The following CNTN5 variants were observed in gnomAD, a reference collection of about 807,000 sequenced individuals.
CNTN5 encodes contactin 5, also known as contactin-5.
In CNTN5, 77 loss-of-function variants were observed where a neutral mutation model predicts 129.1. The observed-to-expected ratio is 0.60, with a 90% confidence interval of 0.50 to 0.72. The LOEUF is 0.72. Ranked by LOEUF, CNTN5 falls within the 30% of genes least tolerant of loss-of-function variation. CNTN5 has a pLI of 0.00. For synonymous variants in CNTN5, 509 were observed against 465.6 expected (o/e 1.09, Z -1.20); for missense variants, 1,478 against 1,328.8 (o/e 1.11, Z -1.75).
chr11:99,276,095 C>G (rs1022657351), intron 1 of CNTN5, among the ~76,000 whole-genome samples: 2 of 151,618 alleles, frequency 1.3e-5, no homozygotes, highest in Non-Finnish European at 1.5e-5. Flanking sequence ...CTCACAAGTT[C>G]TTCAATATTC....
intron 1 of CNTN5, among the ~76,000 whole-genome samples, chr11:99,167,386 A>G (rs1017124717): frequency 9.2e-5 from 14 of 152,182 alleles, no homozygotes; most frequent in African/African-American, 3.1e-4. Flanking sequence ...AAAAAGTAGG[A>G]ATTATACAAA....
intron 2 of CNTN5, among the ~76,000 whole-genome samples, chr11:99,338,193 A>G (rs1054558567): frequency 1.3e-5 from 2 of 152,230 alleles, no homozygotes; most frequent in African/African-American, 4.8e-5. Context: ...CTGCTATTTC[A>G]TTCAATAATA....
chr11:99,137,869 T>G (rs1859312821), intron 1 of CNTN5, among the ~76,000 whole-genome samples: 2 of 152,148 alleles, frequency 1.3e-5, no homozygotes, highest in Admixed American at 1.3e-4. Flanking sequence ...CCCTGCAAGT[T>G]TAACATTAAC....
At chr11:99,071,977 A>AAT (rs1865357580) in intron 1 of CNTN5, among the ~76,000 whole-genome samples, 1 of 152,194 alleles carries the variant, frequency 6.6e-6, no homozygotes, top group South Asian at 2.1e-4. Context: ...GTAATAATAC[A>AAT]ATCAAACAAA....
chr11:99,218,729 C>A (rs1334156089), intron 1 of CNTN5, among the ~76,000 whole-genome samples: 1 of 152,048 alleles, frequency 6.6e-6, no homozygotes, highest in Non-Finnish European at 1.5e-5. Flanking sequence ...GGTTACAAGA[C>A]CTGATAGAAT....
intron 13 of CNTN5, among the ~76,000 whole-genome samples, chr11:100,102,376 G>A (rs1945253421): frequency 6.6e-6 from 1 of 151,834 alleles, no homozygotes; most frequent in Admixed American, 6.6e-5. Context: ...TTTGAGAATT[G>A]TCTATTCATG....
At chr11:99,808,827 A>C (rs182636992) in intron 3 of CNTN5, among the ~76,000 whole-genome samples, 2 of 152,138 alleles carry the variant, frequency 1.3e-5, no homozygotes, top group African/African-American at 2.4e-5. Flanking sequence ...CTTGAACAGT[A>C]ATCCTATTAT....
intron 3 of CNTN5, among the ~76,000 whole-genome samples, chr11:99,714,373 C>G (rs1955130522): frequency 6.6e-6 from 1 of 151,826 alleles, no homozygotes; most frequent in Non-Finnish European, 1.5e-5. Context: ...TGGCTGCTTA[C>G]AGAAGAAAAT....
At chr11:99,853,602 T>C (rs937026168) in intron 6 of CNTN5, among the ~76,000 whole-genome samples, 1 of 152,096 alleles carries the variant, frequency 6.6e-6, no homozygotes, top group African/African-American at 2.4e-5. Context: ...GGTTTCTCCA[T>C]GTTGGTCAGC....
chr11:99,385,829 A>G (rs1940891821), intron 2 of CNTN5, among the ~76,000 whole-genome samples: 2 of 152,172 alleles, frequency 1.3e-5, no homozygotes, highest in South Asian at 4.1e-4. Flanking sequence ...AATTCCATAT[A>G]TGGATTGTAT....
chr11:99,352,702 A>G (rs917048497), intron 2 of CNTN5, among the ~76,000 whole-genome samples: 1 of 152,166 alleles, frequency 6.6e-6, no homozygotes, highest in Non-Finnish European at 1.5e-5. Context: ...TTCCCAGCCA[A>G]GAGGTATCAT....
At chr11:100,036,047 C>T (rs904769004) in intron 9 of CNTN5, among the ~76,000 whole-genome samples, 8 of 152,144 alleles carry the variant, frequency 5.3e-5, no homozygotes, top group Non-Finnish European at 8.8e-5. Flanking sequence ...TTGCCCATGC[C>T]TATGTCATGA....
At position 99,638,021 on chromosome 11, in the gene CNTN5, C is replaced by A. The variant is rs78347704; in HGVS notation, c.55+81752C>A. Among the ~76,000 whole-genome samples the A allele has an allele frequency of 2.8e-3, 421 of 152,116 alleles. 1 individual carries two copies. Among genetic ancestry groups the A allele is most frequent in the Middle Eastern group, 0.01 (3 of 294 alleles). The stretch of plus-strand genomic sequence containing the variant: ...GGTGGACCACATATGTAACAGTGGT[C>A]CCTTAAGATTATTGTATTTGTTTTT... On this transcript the variant is annotated intron_variant, in intron 3 of 24. Transcript: ENST00000524871.
intron 18 of CNTN5, among the ~76,000 whole-genome samples, chr11:100,293,275 G>T (rs1337031939): frequency 6.6e-6 from 1 of 151,754 alleles, no homozygotes; most frequent in Non-Finnish European, 1.5e-5. Flanking sequence ...CCACTTACAA[G>T]GAGGTTTATA....
At chr11:99,798,029 GT>G (rs1343465944) in intron 3 of CNTN5, among the ~76,000 whole-genome samples, 1 of 152,018 alleles carries the variant, frequency 6.6e-6, no homozygotes, top group Admixed American at 6.6e-5. Flanking sequence ...TGTCATGGAG[GT>G]TTGTTGTACA....
At chr11:99,898,189 C>A (rs569695754) in intron 6 of CNTN5, among the ~76,000 whole-genome samples, 1 of 151,752 alleles carries the variant, frequency 6.6e-6, no homozygotes, top group South Asian at 2.1e-4. Context: ...CAAATCAAAC[C>A]TAAATGTAGC....
At chr11:99,243,995 T>C (rs1358729839) in intron 1 of CNTN5, among the ~76,000 whole-genome samples, 1 of 152,084 alleles carries the variant, frequency 6.6e-6, no homozygotes, top group African/African-American at 2.4e-5. Flanking sequence ...TTCTAGTTCT[T>C]TGAAAAATGA....
chr11:99,266,513 G>T (rs1460671684), intron 1 of CNTN5, among the ~76,000 whole-genome samples: 1 of 152,060 alleles, frequency 6.6e-6, no homozygotes, highest in Non-Finnish European at 1.5e-5. Flanking sequence ...GAGGCTGGAG[G>T]ATTGCTTGAT....
chr11:99,215,020 C>A (rs547812747), intron 1 of CNTN5, among the ~76,000 whole-genome samples: 1 of 151,742 alleles, frequency 6.6e-6, no homozygotes, highest in East Asian at 1.9e-4. Flanking sequence ...TCATGAAGTG[C>A]CTTTAAAAAA....
Sources: allele counts gnomAD v4.1 joint callset (sites outside exome capture counted in the v4.1 genomes callset), GRCh38; gene constraint gnomAD v4.1.1; transcripts MANE v1.5; gene names NCBI Gene and HGNC (gene_info 2026-07-23, HGNC 2026-07-21).